Variants in ZNFX1 observed in about 807,000 individuals in gnomAD.
ZNFX1 encodes the protein NFX1-type zinc finger-containing protein 1.
A neutral mutation model predicts 179.8 loss-of-function variants in ZNFX1; 78 were observed. That is an observed-to-expected ratio of 0.43 (90% CI 0.36 to 0.52). The LOEUF is 0.52. ZNFX1 is among the 20% of genes least tolerant of loss of function. ZNFX1 has a pLI of 0.00. For missense variants in ZNFX1, 1,927 were observed against 2,386.6 expected, an observed-to-expected ratio of 0.81 and a Z score of 4.01; for synonymous variants, 848 against 868.5, an observed-to-expected ratio of 0.98 and a Z score of 0.42.
chr20:49,260,747 G>GCCTGGGCAATACGGTGAGAC (rs1421991286), intron 6 of ZNFX1, among the ~76,000 whole-genome samples, 170 bp from the exon 7 acceptor site: 1 of 152,072 alleles, frequency 6.6e-6, no homozygotes, highest in African/African-American at 2.4e-5. Context: ...TTCAAGACCA[G>GCCTGGGCAATACGGTGAGAC]CCTGGGCAAT....
intron 12 of ZNFX1, 73 bp downstream of exon 12, chr20:49,252,645 CTT>C (rs1980869209): frequency 9.6e-7 from 1 of 1,040,630 alleles, no homozygotes; most frequent in East Asian, 2.4e-5. Flanking sequence ...TATGAGACCT[CTT>C]TTGCTGGCAA....
chr20:49,249,740 A>C, intron 13 of ZNFX1, 29 bp from the exon 14 acceptor site: 1 of 1,586,850 alleles, frequency 6.3e-7, no homozygotes, highest in South Asian at 1.2e-5. Flanking sequence ...GACATGTTAA[A>C]AGGTTCACTC....
At position 49,249,343 on chromosome 20, in the gene ZNFX1, T is replaced by C; in HGVS notation, c.3681A>G (p.Gly1227=). The C allele has an allele frequency of 6.2e-7, 1 of 1,614,206 alleles. No individual in the cohort carries two copies. The highest frequency in any genetic ancestry group is 8.5e-7 in the Non-Finnish European group (1 of 1,180,048). ...TCTGCATGTTTCCGATGCAGTACAT[T>C]CCCTTCTTGGCTCGGGACAAGGCCA... ...ICVALSRAKK[G]MYCIGNMQML... Residue 1227 remains glycine (G), a synonymous_variant, in exon 14 of 14, where the codon GGA becomes GGG. Transcript: ENST00000396105.
intron 5 of ZNFX1, among the ~76,000 whole-genome samples, chr20:49,264,227 A>C (rs1013499770): frequency 1.3e-5 from 2 of 152,230 alleles, no homozygotes; most frequent in Non-Finnish European, 2.9e-5. Flanking sequence ...GTCTCAAAAA[A>C]AGAAATAATG....
intron 11 of ZNFX1, 137 bp downstream of exon 11, chr20:49,253,529 G>A (rs1980894825): frequency 3.9e-6 from 4 of 1,019,398 alleles, no homozygotes; most frequent in African/African-American, 1.6e-5. Flanking sequence ...TAGACTGAAC[G>A]TGGGAGGTGA....
chr20:49,257,643 T>C lies in ZNFX1; in HGVS notation c.2438A>G (p.Glu813Gly). Residue 813 changes from glutamate (E) to glycine (G), a missense_variant, in exon 8 of 14, where the codon GAG (glutamate) becomes GGG (glycine). Glu to Gly is a moderately conservative substitution (Grantham distance 98, BLOSUM62 -2). Transcript: ENST00000396105. The part of the protein sequence containing the change: ...ENTAQAEGDE[E>G]EEGEEESSLI... ...CGAACTCTCCTCCTCCCCTTCTTCC[T>C]CCTCATCCCCTTCTGCCTGGGCTAA... 6.2e-7 allele frequency: 1 copy of C among 1,612,254 alleles called. No homozygotes were observed. Among genetic ancestry groups the C allele is most frequent in the Non-Finnish European group, 8.5e-7 (1 of 1,179,670 alleles).
rs969987118 is a variant in ZNFX1, at chr20:49,254,417, C to A, written c.2959+78G>T. Reference sequence around the variant, plus strand: ...TTCCTCTAACCTACCAAAGAAGCTCCTCTTTACCTGTCCTTAGATAATCTG... The same window carrying A: ...TTCCTCTAACCTACCAAAGAAGCTCATCTTTACCTGTCCTTAGATAATCTG... On this transcript the variant is annotated intron_variant, in intron 10 of 13. Coordinates refer to ENST00000396105, the MANE Select transcript of ZNFX1 (RefSeq NM_021035.3). The A allele has an allele frequency of 1.9e-6, 3 of 1,547,734 alleles. No individual in the cohort carries two copies. The African/African-American group carries it at 4.1e-5, about 21-fold the overall frequency.
chr20:49,256,830 C>T (rs6019710), intron 8 of ZNFX1, among the ~76,000 whole-genome samples: 13,823 of 152,196 alleles, frequency 0.091, 781 homozygotes, highest in African/African-American at 0.17. Flanking sequence ...GTAAGGTTTA[C>T]AAATTCTTAT....
intron 6 of ZNFX1, among the ~76,000 whole-genome samples, chr20:49,262,407 C>CAAA (rs553327409): frequency 1.2e-5 from 1 of 84,622 alleles, no homozygotes; most frequent in Non-Finnish European, 2.3e-5. Context: ...AACTCTGTCT[C>CAAA]AAAAAAAAAA....
rs1391627665 is a variant in ZNFX1, at chr20:49,251,625, G to GA, written c.3217-4dup. ...GCAATTTCAGGGCACATACGGTGCT[G>GA]AAAAAACACATGCATGTCATTAGAA... On this transcript the variant is annotated splice_region_variant and splice_polypyrimidine_tract_variant and intron_variant, in intron 12 of 13. Transcript: ENST00000396105. 1.2e-6 allele frequency: 2 copies of GA among 1,604,314 alleles called. No individual in the cohort carries two copies. Among genetic ancestry groups the GA allele is most frequent in the African/African-American group, 2.7e-5 (2 of 74,242 alleles).
intron 8 of ZNFX1, among the ~76,000 whole-genome samples, chr20:49,257,045 T>C (rs1980986705): frequency 6.6e-6 from 1 of 152,206 alleles, no homozygotes; most frequent in South Asian, 2.1e-4. Flanking sequence ...TTGCTTACTT[T>C]AATCCTCTAA....
intron 3 of ZNFX1, 69 bp downstream of exon 3, chr20:49,269,873 G>C: frequency 6.7e-7 from 1 of 1,487,940 alleles, no homozygotes; most frequent in Non-Finnish European, 9.0e-7. Flanking sequence ...TAGAAACCTA[G>C]AGTGAAGGCT....
At position 49,257,507 on chromosome 20, in the gene ZNFX1, C is replaced by G. The variant is rs1328964876; in HGVS notation, c.2574G>C (p.Gln858His). The change falls in exon 8 of 14, where the codon CAG becomes CAC. Residue 858 changes from glutamine (Q) to histidine (H), a missense_variant. Physicochemically the swap from Gln to His is conservative, Grantham distance 24. Transcript: ENST00000396105. ...RRKKEESGAD[Q>H]ELAKMLLAMR... ...TGGCCAGAAGCATTTTAGCCAACTCCTGGTCTGCTCCACTCTCTTCCTTCT... is the reference window on the plus strand; with the variant it reads ...TGGCCAGAAGCATTTTAGCCAACTCGTGGTCTGCTCCACTCTCTTCCTTCT... The G allele has an allele frequency of 3.7e-6, 6 of 1,613,868 alleles. No individual in the cohort carries two copies. In the Admixed American group the frequency reaches 5.0e-5, roughly 13 times the overall value.
chr20:49,247,780 G>A lies in ZNFX1; in HGVS notation c.5244C>T (p.Phe1748=), dbSNP rs1980716970. The change falls in exon 14 of 14, where the codon TTC becomes TTT. Residue 1748 remains phenylalanine, a synonymous_variant. Coordinates refer to ENST00000396105, the MANE Select transcript of ZNFX1 (RefSeq NM_021035.3). ...HEWLAKKRLS[F]TSQELSDLRS... is the part of the protein sequence containing the mutation. Reference sequence around the variant, plus strand: ...GGAGGTCACTTAGTTCCTGGCTAGTGAAGCTCAAGCGCTTCTTGGCCAGCC... The same window carrying A: ...GGAGGTCACTTAGTTCCTGGCTAGTAAAGCTCAAGCGCTTCTTGGCCAGCC... 6.2e-7 allele frequency: 1 copy of A among 1,614,168 alleles called. No homozygotes were observed. Among genetic ancestry groups the A allele is most frequent in the African/African-American group, 1.3e-5 (1 of 75,042 alleles).
chr20:49,276,864 T>C (rs1290065465), intron 1 of ZNFX1, among the ~76,000 whole-genome samples: 1 of 152,228 alleles, frequency 6.6e-6, no homozygotes, highest in Non-Finnish European at 1.5e-5. Context: ...CCTCATCTTA[T>C]CAAACCCAGC....
intron 13 of ZNFX1, among the ~76,000 whole-genome samples, chr20:49,250,756 T>C (rs897171181): frequency 4.6e-5 from 7 of 152,232 alleles, no homozygotes; most frequent in Admixed American, 2.0e-4. Flanking sequence ...TTCACCATGT[T>C]GGCCAGGCTA....
At chr20:49,277,485 G>A (rs900852653) in intron 1 of ZNFX1, among the ~76,000 whole-genome samples, 2 of 151,052 alleles carry the variant, frequency 1.3e-5, no homozygotes, top group Non-Finnish European at 3.0e-5. Context: ...TAAGGTGACA[G>A]GAGGTGAGGC....
Position 49,247,070 on chromosome 20 carries a change from T to C in ZNFX1, c.*197A>G. On this transcript the variant is annotated 3_prime_UTR_variant, in exon 14 of 14. Transcript: ENST00000396105. The stretch of plus-strand genomic sequence containing the variant: ...TTTTAGTAGAGACGGGGTTTCGCCA[T>C]GTTGGTCAGGCTGGTCTCGAACTCC... 2 of 639,212 alleles carry C rather than the reference T, an allele frequency of 3.1e-6. No homozygotes were observed. The highest frequency in any genetic ancestry group is 2.0e-5 in the South Asian group (1 of 50,948). 39.6% of individuals were successfully genotyped at this position (639,212 alleles called of 1,614,324 possible).
At chr20:49,256,323 T>G (rs1413859368) in intron 8 of ZNFX1, among the ~76,000 whole-genome samples, 1 of 152,248 alleles carries the variant, frequency 6.6e-6, no homozygotes. Flanking sequence ...CTAGTTATCA[T>G]TAAACATCTT....
Sources: gnomAD v4.1 joint callset for allele counts (sites outside exome capture counted in the v4.1 genomes callset) on GRCh38, gnomAD v4.1.1 for gene constraint, MANE v1.5 for transcripts, NCBI Gene and HGNC (gene_info 2026-07-23, HGNC 2026-07-21) for gene names.